NWD1: variants seen among roughly 807,000 people sequenced by gnomAD.
The protein encoded by NWD1 is NACHT domain- and WD repeat-containing protein 1.
A neutral mutation model predicts 135.1 loss-of-function variants in NWD1; 129 were observed. The ratio of observed to expected loss-of-function variants is 0.96; its 90% CI spans 0.83 to 1.11. The LOEUF is 1.11. Among genes scored for constraint, NWD1 ranks in the 50% least tolerant of loss-of-function variants. The pLI, the probability that NWD1 is intolerant of heterozygous loss-of-function variation, is 0.00. For missense variants in NWD1, 1,740 were observed against 1,851.3 expected, an observed-to-expected ratio of 0.94 and a Z score of 1.10; for synonymous variants, 773 against 786.0, an observed-to-expected ratio of 0.98 and a Z score of 0.28.
intron 13 of NWD1, 125 bp downstream of exon 13, chr19:16,789,315 C>A: frequency 2.8e-6 from 2 of 706,194 alleles, no homozygotes; most frequent in South Asian, 1.7e-5. Context: ...ATGGAGTACA[C>A]AACCACTTGA....
intron 6 of NWD1, among the ~76,000 whole-genome samples, chr19:16,756,601 G>C (rs1968807619): frequency 1.3e-5 from 2 of 151,856 alleles, no homozygotes; most frequent in South Asian, 4.1e-4. Flanking sequence ...CATATAATCT[G>C]TCTATCTATA....
intron 10 of NWD1, among the ~76,000 whole-genome samples, chr19:16,766,577 T>C (rs933743073): frequency 7.3e-6 from 1 of 136,056 alleles, no homozygotes; most frequent in African/African-American, 3.1e-5. Flanking sequence ...TATAGCAAAA[T>C]ACATGTCTTA....
chr19:16,768,601 T>TAAACTAACAA (rs61675065), intron 10 of NWD1, among the ~76,000 whole-genome samples: 152,318 of 152,320 alleles, frequency 1, 76,158 homozygotes, highest in Middle Eastern at 1. Flanking sequence ...GCCTGTGAAT[T>TAAACTAACAA]AAGACAGCTT....
intron 13 of NWD1, 130 bp downstream of exon 13, chr19:16,789,320 A>G (rs1322912812): frequency 2.9e-6 from 2 of 679,396 alleles, no homozygotes; most frequent in African/African-American, 3.6e-5. Flanking sequence ...GTACACAACC[A>G]CTTGAGAGGG....
Position 16,750,185 on chromosome 19 carries a change from C to T in NWD1, c.1543C>T (p.Leu515=), listed in dbSNP as rs757776142. 2 of 1,613,280 alleles carry T rather than the reference C, an allele frequency of 1.2e-6. No homozygotes were observed. Among genetic ancestry groups the T allele is most frequent in the Non-Finnish European group, 1.7e-6 (2 of 1,179,724 alleles). ...QLLLAAARRT[L]SPVHTDLLWA... The stretch of plus-strand genomic sequence containing the variant: ...CCTGCTGGCAGCTGCAAGGAGGACG[C>T]TGAGCCCGGTGCACACAGATTTGCT... Residue 515 remains leucine (L), a synonymous_variant, in exon 6 of 19, where the codon CTG becomes TTG. Transcript: ENST00000524140.
At chr19:16,761,277 C>T (rs1968999313) in intron 7 of NWD1, among the ~76,000 whole-genome samples, 1 of 151,844 alleles carries the variant, frequency 6.6e-6, no homozygotes, top group Non-Finnish European at 1.5e-5. Context: ...TGGACACTTG[C>T]ATTGTTTCCA....
At chr19:16,764,089 A>T in intron 9 of NWD1, 144 bp downstream of exon 9, 1 of 601,730 alleles carries the variant, frequency 1.7e-6, no homozygotes, top group South Asian at 1.9e-5. Flanking sequence ...GCAATTCTAC[A>T]CCCAGGGGAT....
Position 16,732,657 on chromosome 19 carries a change from A to AAAAAAAAAAAAG in NWD1, c.81+1390_81+1391insGAAAAAAAAAAA, listed in dbSNP as rs1241010951. ...ATGACAGAGCAAGACTTCATCTCAA[A>AAAAAAAAAAAAG]AAAAAAAAAAAAGAAAAAGTGAAAA... On this transcript the variant is annotated intron_variant, in intron 3 of 18. Coordinates refer to ENST00000524140, the MANE Select transcript of NWD1 (RefSeq NM_001007525.5). Among the ~76,000 whole-genome samples the AAAAAAAAAAAAG allele has an allele frequency of 7.7e-4, 102 of 131,746 alleles. 6 individuals carry two copies. The highest frequency in any genetic ancestry group is 3.0e-3 in the South Asian group (13 of 4,300). The allele number at this position is 131,746 out of a possible 152,430, so 86.4% of individuals were successfully genotyped here. A position where few individuals can be genotyped will look rare whatever the true frequency, so the allele number is the denominator to read the frequency against.
At chr19:16,805,542 G>C (rs534218279) in intron 17 of NWD1, among the ~76,000 whole-genome samples, 1 of 152,152 alleles carries the variant, frequency 6.6e-6, no homozygotes, top group East Asian at 1.9e-4. Flanking sequence ...CTTTTGCCCA[G>C]ACTGGTCTTG....
At chr19:16,774,142 G>T (rs768382357) in intron 11 of NWD1, among the ~76,000 whole-genome samples, 2 of 108,944 alleles carry the variant, frequency 1.8e-5, no homozygotes, top group African/African-American at 3.6e-5. Flanking sequence ...TCCATCTACT[G>T]CCCCATCCAT....
chr19:16,792,128 G>C (rs1340850617), intron 14 of NWD1, among the ~76,000 whole-genome samples: 3 of 152,204 alleles, frequency 2.0e-5, no homozygotes, highest in Non-Finnish European at 4.4e-5. Context: ...CAGTCCTTCA[G>C]GGGATCTCTA....
intron 12 of NWD1, among the ~76,000 whole-genome samples, chr19:16,783,114 C>A (rs1429069386): frequency 1.3e-5 from 2 of 151,176 alleles, no homozygotes; most frequent in Non-Finnish European, 2.9e-5. Flanking sequence ...ACACTACAAT[C>A]TTGACATCCC....
At position 16,807,779 on chromosome 19, in the gene NWD1, C is replaced by T. The variant is rs759894842; in HGVS notation, c.3930C>T (p.Cys1310=). The T allele has an allele frequency of 5.9e-5, 95 of 1,613,708 alleles. No individual in the cohort carries two copies. Among genetic ancestry groups the T allele is most frequent in the Admixed American group, 8.3e-5 (5 of 59,972 alleles). The change falls in exon 18 of 19, where the codon TGC becomes TGT. Residue 1310 remains cysteine (C), a synonymous_variant. Coordinates refer to ENST00000524140, the MANE Select transcript of NWD1 (RefSeq NM_001007525.5). The stretch of plus-strand genomic sequence containing the variant: ...TCAACTGCATGTCCCTGAGCAAGTG[C>T]GAGGACCGCCTGGCCATCGCCTATG... ...KAINCMSLSK[C]EDRLAIAYDN...
chr19:16,737,169 C>T (rs1348500919), intron 4 of NWD1, among the ~76,000 whole-genome samples: 1 of 152,042 alleles, frequency 6.6e-6, no homozygotes, highest in East Asian at 1.9e-4. Context: ...GGACTTCTCC[C>T]CTCTCTCTTC....
intron 3 of NWD1, among the ~76,000 whole-genome samples, chr19:16,734,435 T>C (rs1967707475): frequency 1.3e-5 from 2 of 150,428 alleles, no homozygotes; most frequent in Non-Finnish European, 3.0e-5. Flanking sequence ...CTCCGGAGGC[T>C]GAGGCAGGAG....
intron 6 of NWD1, among the ~76,000 whole-genome samples, chr19:16,757,669 G>A (rs1968849709): frequency 1.3e-5 from 2 of 152,132 alleles, no homozygotes; most frequent in Non-Finnish European, 1.5e-5. Context: ...ATTGCTTAGG[G>A]GATGTCTTCA....
intron 7 of NWD1, 84 bp downstream of exon 7, chr19:16,759,512 T>G: frequency 1.1e-6 from 1 of 941,384 alleles, no homozygotes; most frequent in Non-Finnish European, 1.6e-6. Flanking sequence ...CTTCTCAGTA[T>G]CAGATCCTTC....
At chr19:16,745,650 G>A (rs1968281560) in intron 5 of NWD1, among the ~76,000 whole-genome samples, 5 of 152,226 alleles carry the variant, frequency 3.3e-5, no homozygotes, top group South Asian at 4.1e-4. Context: ...TGAGGCAGGA[G>A]GATTGCTTGA....
chr19:16,745,209 A>G (rs1170725988), intron 5 of NWD1: 1 of 376,812 alleles, frequency 2.7e-6, no homozygotes, highest in Admixed American at 3.2e-5. Context: ...AGATCTTGTG[A>G]GACTTATTCA....
Sources: allele counts gnomAD v4.1 joint callset (sites outside exome capture counted in the v4.1 genomes callset), GRCh38; gene constraint gnomAD v4.1.1; transcripts MANE v1.5; gene names NCBI Gene and HGNC (gene_info 2026-07-23, HGNC 2026-07-21).